The following MAP2 variants were observed in gnomAD, a reference collection of about 807,000 sequenced individuals.
MAP2 encodes the protein microtubule-associated protein 2.
MAP2 carries 14 observed loss-of-function variants against 137.6 expected under a neutral mutation model. The observed-to-expected ratio is 0.10, with a 90% CI of 0.07 to 0.16. MAP2 has a LOEUF of 0.16. Ranked by LOEUF, MAP2 falls within the 10% of genes least tolerant of loss-of-function variation. The pLI is 1.00. For synonymous variants in MAP2, 786 were observed against 782.3 expected (o/e 1.00, Z -0.08); for missense variants, 2,088 against 2,191.5 (o/e 0.95, Z 0.94).
At chr2:209,658,490 A>G (rs11891356) in intron 5 of MAP2, among the ~76,000 whole-genome samples, 6,188 of 148,582 alleles carry the variant, frequency 0.042, 407 homozygotes, top group African/African-American at 0.15. Flanking sequence ...TAAAGAGAGG[A>G]AAAAAAAATT....
At chr2:209,653,964 G>A (rs1041049646) in intron 5 of MAP2, among the ~76,000 whole-genome samples, 2 of 152,172 alleles carry the variant, frequency 1.3e-5, no homozygotes, top group Non-Finnish European at 2.9e-5. Context: ...TGAATCAGAT[G>A]ATCTTGGAGC....
chr2:209,533,009 G>T (rs567899310), intron 2 of MAP2, among the ~76,000 whole-genome samples: 11 of 152,062 alleles, frequency 7.2e-5, no homozygotes, highest in Non-Finnish European at 4.4e-5. Flanking sequence ...CAAGTGGTCC[G>T]CACTGCATTT....
chr2:209,728,779 A>G (rs997771845), intron 14 of MAP2, among the ~76,000 whole-genome samples: 3 of 152,210 alleles, frequency 2.0e-5, no homozygotes, highest in African/African-American at 4.8e-5. Flanking sequence ...TGTACTCAAC[A>G]TGTTTATTGG....
intron 5 of MAP2, among the ~76,000 whole-genome samples, chr2:209,665,703 G>T (rs1339647441): frequency 1.3e-5 from 2 of 152,112 alleles, no homozygotes; most frequent in African/African-American, 4.8e-5. Flanking sequence ...ATTTGCAAAT[G>T]AGTTCTTAGA....
intron 2 of MAP2, among the ~76,000 whole-genome samples, chr2:209,531,019 A>T (rs951722170): frequency 6.6e-6 from 1 of 152,172 alleles, no homozygotes; most frequent in South Asian, 2.1e-4. Context: ...TACAAAGTCC[A>T]CTATTTTCGC....
chr2:209,550,031 T>C (rs1244816069), intron 2 of MAP2, among the ~76,000 whole-genome samples: 1 of 152,236 alleles, frequency 6.6e-6, no homozygotes, highest in Non-Finnish European at 1.5e-5. Flanking sequence ...TATTTCAGAA[T>C]TTTTAAAGGC....
At chr2:209,569,378 T>C (rs2074025219) in intron 2 of MAP2, among the ~76,000 whole-genome samples, 1 of 151,834 alleles carries the variant, frequency 6.6e-6, no homozygotes, top group South Asian at 2.1e-4. Flanking sequence ...GCACCAGTTA[T>C]ATACCAGACC....
intron 1 of MAP2, among the ~76,000 whole-genome samples, chr2:209,490,534 A>G (rs2058951246): frequency 7.0e-6 from 1 of 143,820 alleles, no homozygotes; most frequent in South Asian, 2.4e-4. Context: ...CAGGAGACCC[A>G]TCTCGTGTGC....
intron 2 of MAP2, among the ~76,000 whole-genome samples, chr2:209,524,005 C>T (rs572567519): frequency 5.3e-5 from 8 of 152,118 alleles, no homozygotes; most frequent in African/African-American, 1.7e-4. Context: ...TTTTTACTTC[C>T]CCCATTTGCT....
intron 3 of MAP2, among the ~76,000 whole-genome samples, chr2:209,599,140 C>G (rs928258000): frequency 1.3e-5 from 2 of 152,184 alleles, no homozygotes; most frequent in African/African-American, 4.8e-5. Context: ...GATTGCCATT[C>G]TAACTGGTGT....
chr2:209,436,804 G>A (rs992266640), intron 1 of MAP2, among the ~76,000 whole-genome samples: 18 of 151,678 alleles, frequency 1.2e-4, no homozygotes, highest in African/African-American at 3.9e-4. Context: ...GAATAAAATC[G>A]TGTCCCCCTT....
At chr2:209,540,219 A>G (rs970782117) in intron 2 of MAP2, among the ~76,000 whole-genome samples, 6 of 151,142 alleles carry the variant, frequency 4.0e-5, no homozygotes, top group Non-Finnish European at 8.8e-5. Context: ...CTTTCTTTCC[A>G]TAATTATAGG....
rs913727106 is a variant in MAP2 at position 209,685,530 on chromosome 2, A to G, written c.454+4703A>G. On this transcript the variant is annotated intron_variant, in intron 7 of 15. Transcript: ENST00000682079. Reference sequence around the variant, plus strand: ...TAACGTAGATGGACTTTAGGCTGATAGGTCTTAAACAGAGACTTGGAGTAC... The same window carrying G: ...TAACGTAGATGGACTTTAGGCTGATGGGTCTTAAACAGAGACTTGGAGTAC... Among the ~76,000 whole-genome samples the G allele has an allele frequency of 2.6e-5, 4 of 152,146 alleles. No homozygotes were observed. In the East Asian group the frequency reaches 7.7e-4, roughly 29 times the overall value.
At chr2:209,523,992 C>A (rs542287868) in intron 2 of MAP2, among the ~76,000 whole-genome samples, 1 of 152,056 alleles carries the variant, frequency 6.6e-6, no homozygotes, top group South Asian at 2.1e-4. Context: ...ATGACTGGTA[C>A]CATTTTTACT....
At chr2:209,530,777 T>A (rs1272900635) in intron 2 of MAP2, among the ~76,000 whole-genome samples, 1 of 152,224 alleles carries the variant, frequency 6.6e-6, no homozygotes, top group Non-Finnish European at 1.5e-5. Context: ...TTGAAGAGTC[T>A]GAGAATTAGA....
At chr2:209,462,150 A>G (rs992671702) in intron 1 of MAP2, among the ~76,000 whole-genome samples, 7 of 152,206 alleles carry the variant, frequency 4.6e-5, no homozygotes, top group Non-Finnish European at 8.8e-5. Context: ...GACAACTATG[A>G]AACGTTTTGT....
At chr2:209,538,897 G>A (rs550481610) in intron 2 of MAP2, among the ~76,000 whole-genome samples, 18 of 152,114 alleles carry the variant, frequency 1.2e-4, no homozygotes, top group African/African-American at 4.3e-4. Context: ...TTGCTTTTAA[G>A]TTAGGGAAAA....
chr2:209,636,578 TACACAC>T (rs199977019), intron 4 of MAP2, among the ~76,000 whole-genome samples: 3 of 144,708 alleles, frequency 2.1e-5, no homozygotes, highest in Admixed American at 1.4e-4. Flanking sequence ...TATATATATA[TACACAC>T]ACACACACTT....
chr2:209,521,497 C>G (rs941080751), intron 2 of MAP2, among the ~76,000 whole-genome samples: 20 of 150,434 alleles, frequency 1.3e-4, no homozygotes, highest in African/African-American at 4.9e-4. Flanking sequence ...TAACCCTTTT[C>G]TCTCCTTTTT....
Sources: allele counts gnomAD v4.1 joint callset (sites outside exome capture counted in the v4.1 genomes callset), GRCh38; gene constraint gnomAD v4.1.1; transcripts MANE v1.5; gene names NCBI Gene and HGNC (gene_info 2026-07-23, HGNC 2026-07-21).